COL5A2: variants seen among roughly 807,000 people sequenced by gnomAD.
COL5A2 encodes the protein collagen type V alpha 2 chain, also known as collagen alpha-2(V) chain.
A neutral mutation model predicts 208.2 loss-of-function variants in COL5A2; 23 were observed. The ratio of observed to expected loss-of-function variants is 0.11; its 90% CI spans 0.08 to 0.16. The LOEUF (loss-of-function observed/expected upper bound fraction) is 0.16. Ranked by LOEUF, COL5A2 falls within the 10% of genes least tolerant of loss-of-function variation. COL5A2 has a pLI of 1.00. For missense variants in COL5A2, 1,590 were observed against 1,956.4 expected (o/e 0.81, Z 3.53); for synonymous variants, 625 against 628.5 (o/e 0.99, Z 0.08).
At chr2:189,143,892 G>A (rs1387578414) in intron 1 of COL5A2, among the ~76,000 whole-genome samples, 1 of 152,124 alleles carries the variant, frequency 6.6e-6, no homozygotes, top group Admixed American at 6.5e-5. Context: ...TATATCATAC[G>A]TATTATGTGT....
chr2:189,407,825 A>C, the COL5A2 span, among the ~76,000 whole-genome samples: 1 of 152,188 alleles, frequency 6.6e-6, no homozygotes, highest in Non-Finnish European at 1.5e-5. Context: ...CTTTGTTTTA[A>C]GACATTTTTA....
At chr2:189,416,932 A>G in the COL5A2 span, among the ~76,000 whole-genome samples, 1 of 152,012 alleles carries the variant, frequency 6.6e-6, no homozygotes, top group Admixed American at 6.6e-5. Context: ...TATTAGACAA[A>G]CCCTTTGTCA....
chr2:189,287,401 G>A, the COL5A2 span, among the ~76,000 whole-genome samples: 4 of 151,794 alleles, frequency 2.6e-5, no homozygotes, highest in Non-Finnish European at 5.9e-5. Context: ...AAGCACAATG[G>A]ACACAGGATC....
At chr2:189,184,947 G>T (rs1688830910) in intron 1 of COL5A2, among the ~76,000 whole-genome samples, 1 of 152,050 alleles carries the variant, frequency 6.6e-6, no homozygotes, top group South Asian at 2.1e-4. Context: ...TCATGGGGAA[G>T]AATTTAAATT....
At chr2:189,420,599 C>T in the COL5A2 span, among the ~76,000 whole-genome samples, 2 of 151,702 alleles carry the variant, frequency 1.3e-5, no homozygotes, top group South Asian at 4.2e-4. Context: ...AATAGGTCTG[C>T]ACTAAAATAT....
chr2:189,332,667 A>G, the COL5A2 span, among the ~76,000 whole-genome samples: 37 of 152,336 alleles, frequency 2.4e-4, 1 homozygote, highest in African/African-American at 8.7e-4. Flanking sequence ...GCCTTCTGCC[A>G]TGATGATGAG....
the COL5A2 span, among the ~76,000 whole-genome samples, chr2:189,293,982 T>C: frequency 6.6e-6 from 1 of 150,614 alleles, no homozygotes; most frequent in Admixed American, 6.7e-5. Context: ...CAGCTACTGG[T>C]GAGGCTGAAG....
At chr2:189,147,160 C>T (rs769955493) in intron 1 of COL5A2, among the ~76,000 whole-genome samples, 6 of 152,140 alleles carry the variant, frequency 3.9e-5, no homozygotes, top group Non-Finnish European at 7.4e-5. Context: ...ACCTAAACTA[C>T]ATATTAAATT....
the COL5A2 span, among the ~76,000 whole-genome samples, chr2:189,300,471 C>A: frequency 1.2e-3 from 180 of 152,242 alleles, no homozygotes; most frequent in Non-Finnish European, 2.1e-3. Flanking sequence ...TGTGGAGAAA[C>A]AAAGAAGCTT....
intron 1 of COL5A2, among the ~76,000 whole-genome samples, chr2:189,189,265 A>G (rs1225817149): frequency 6.6e-6 from 1 of 152,232 alleles, no homozygotes; most frequent in African/African-American, 2.4e-5. Flanking sequence ...AGATGTATCA[A>G]ATGGGAGACG....
chr2:189,034,974 T>A lies in COL5A2; in HGVS notation c.4295A>T (p.Asp1432Val), dbSNP rs141777954. The change falls in exon 53 of 54, where the codon GAT becomes GTT. Residue 1432 changes from aspartate (D) to valine (V), a missense_variant. Asp to Val is a radical substitution (Grantham distance 152). Transcript: ENST00000374866. ...TCTAATATTTCCCTCTGCTTTGATA[T>A]CTAAGTCATTTGCCCCTTTGAGAAC... ...AVVLKGANDL[D>V]IKAEGNIRFR... 1,060 of 1,613,842 alleles carry A rather than the reference T, an allele frequency of 6.6e-4. 4 individuals are homozygous for A. The highest frequency in any genetic ancestry group is 1.3e-3 in the Admixed American group (77 of 59,990).
chr2:189,061,753 CT>C, intron 29 of COL5A2, 138 bp from the exon 30 acceptor site: 1 of 719,578 alleles, frequency 1.4e-6, no homozygotes, highest in Non-Finnish European at 2.5e-6. Context: ...AGGTAATAAA[CT>C]AGTATTAATA....
the COL5A2 span, among the ~76,000 whole-genome samples, chr2:189,325,265 T>G: frequency 2.0e-5 from 3 of 151,742 alleles, no homozygotes; most frequent in South Asian, 6.2e-4. Flanking sequence ...TGTATACATA[T>G]GTAACAAACC....
intron 1 of COL5A2, among the ~76,000 whole-genome samples, chr2:189,187,456 C>T (rs1193548292): frequency 6.6e-6 from 1 of 152,154 alleles, no homozygotes; most frequent in Non-Finnish European, 1.5e-5. Context: ...ATGATGAAAA[C>T]ATCACGTCTT....
chr2:189,158,663 C>G (rs1335853402), intron 1 of COL5A2, among the ~76,000 whole-genome samples: 1 of 152,030 alleles, frequency 6.6e-6, no homozygotes, highest in Non-Finnish European at 1.5e-5. Context: ...TTCCTTGGAT[C>G]TCTGTGATAC....
chr2:189,091,640 A>G (rs1686787179), intron 7 of COL5A2, among the ~76,000 whole-genome samples: 1 of 152,154 alleles, frequency 6.6e-6, no homozygotes, highest in Admixed American at 6.5e-5. Flanking sequence ...TTGTGGAAAA[A>G]CATAAGTTTA....
At chr2:189,191,183 C>CAAAA (rs1216732160) in intron 1 of COL5A2, among the ~76,000 whole-genome samples, 1 of 137,026 alleles carries the variant, frequency 7.3e-6, no homozygotes, top group Admixed American at 7.4e-5. Context: ...AAAACAACAA[C>CAAAA]AAAAAAAACC....
At chr2:189,340,013 G>A in the COL5A2 span, among the ~76,000 whole-genome samples, 1 of 152,154 alleles carries the variant, frequency 6.6e-6, no homozygotes, top group Non-Finnish European at 1.5e-5. Flanking sequence ...CCAATCATGG[G>A]GAATCTGGCC....
chr2:189,361,703 G>C, the COL5A2 span, among the ~76,000 whole-genome samples: 1 of 151,184 alleles, frequency 6.6e-6, no homozygotes, highest in Non-Finnish European at 1.5e-5. Context: ...TTCCTCTTTT[G>C]CCATATTCCT....
Sources: allele counts gnomAD v4.1 joint callset (sites outside exome capture counted in the v4.1 genomes callset), GRCh38; gene constraint gnomAD v4.1.1; transcripts MANE v1.5; gene names NCBI Gene and HGNC (gene_info 2026-07-23, HGNC 2026-07-21).